The following SNTG1 variants were observed in gnomAD, a reference collection of about 807,000 sequenced individuals.
SNTG1 encodes syntrophin gamma 1.
In SNTG1, 39 loss-of-function variants were observed where a neutral mutation model predicts 74.7. The observed-to-expected ratio is 0.52, with a 90% confidence interval of 0.40 to 0.68. SNTG1 has a LOEUF of 0.68. Ranked by LOEUF, SNTG1 falls within the 30% of genes least tolerant of loss-of-function variation. The pLI is 0.00. For synonymous variants in SNTG1, 254 were observed against 217.1 expected (o/e 1.17, Z -1.49); for missense variants, 685 against 609.5 (o/e 1.12, Z -1.30).
chr8:50,069,583 ATTTTTTTTTTTTTTTTTTTT>A (rs71235778), intron 1 of SNTG1, among the ~76,000 whole-genome samples: 6 of 67,076 alleles, frequency 8.9e-5, no homozygotes, highest in South Asian at 7.9e-4. Flanking sequence ...ATTGGGAGGA[ATTTTTTTTTTTTTTTTTTTT>A]TTTTTTTTTT....
intron 8 of SNTG1, among the ~76,000 whole-genome samples, chr8:50,460,537 A>T (rs1471914804): frequency 1.3e-5 from 2 of 151,954 alleles, no homozygotes; most frequent in African/African-American, 4.8e-5. Context: ...GTTTTTGAGG[A>T]CTTAGTTATA....
chr8:50,014,836 C>T lies in SNTG1; in HGVS notation c.-103+102605C>T, dbSNP rs147252714. Among the ~76,000 whole-genome samples the T allele has an allele frequency of 9.3e-3, 1,414 of 151,802 alleles. 27 individuals carry two copies. The highest frequency in any genetic ancestry group is 0.03 in the African/African-American group (1,241 of 41,392). On this transcript the variant is annotated intron_variant, in intron 1 of 18. Coordinates refer to ENST00000642720, the MANE Select transcript of SNTG1 (RefSeq NM_018967.5). ...CAGTGGCCACACACAGCAGGAAATACGTAATCTATAGAATTATTCCAGTAA... is the reference window on the plus strand; with the variant it reads ...CAGTGGCCACACACAGCAGGAAATATGTAATCTATAGAATTATTCCAGTAA...
rs146491007 is a variant in SNTG1 at position 50,254,037 on chromosome 8, G to A, written c.-28+81402G>A. On this transcript the variant is annotated intron_variant, in intron 2 of 18. Coordinates refer to ENST00000642720, the MANE Select transcript of SNTG1 (RefSeq NM_018967.5). The stretch of plus-strand genomic sequence containing the variant: ...GTATTATATATTGGAAAACAGAAAC[G>A]AGAGGATTTTGAATATTCTCACCTC... Among the ~76,000 whole-genome samples the A allele has an allele frequency of 1.6e-3, 239 of 152,204 alleles. 1 individual carries two copies. The highest frequency in any genetic ancestry group is 5.5e-3 in the African/African-American group (227 of 41,520).
intron 12 of SNTG1, among the ~76,000 whole-genome samples, chr8:50,573,566 C>CGTAA (rs2094560660): frequency 1.3e-5 from 2 of 151,584 alleles, no homozygotes; most frequent in African/African-American, 4.8e-5. Flanking sequence ...GAATGTTGTC[C>CGTAA]GTAATATCTA....
intron 1 of SNTG1, among the ~76,000 whole-genome samples, chr8:49,981,392 A>G (rs1812666453): frequency 6.6e-6 from 1 of 151,536 alleles, no homozygotes; most frequent in Non-Finnish European, 1.5e-5. Flanking sequence ...TTGCTAGACC[A>G]TGGAAGTCAC....
chr8:50,456,518 A>G (rs1177793438), intron 8 of SNTG1, among the ~76,000 whole-genome samples: 2 of 152,146 alleles, frequency 1.3e-5, no homozygotes, highest in African/African-American at 2.4e-5. Context: ...GGAAGGGATG[A>G]AAGCTGGGTG....
chr8:50,540,973 A>G (rs1448435272), intron 11 of SNTG1, among the ~76,000 whole-genome samples: 2 of 152,050 alleles, frequency 1.3e-5, no homozygotes, highest in Non-Finnish European at 2.9e-5. Flanking sequence ...AATCCAAAGT[A>G]ACAAACTTGG....
intron 1 of SNTG1, among the ~76,000 whole-genome samples, chr8:49,981,386 TA>T (rs1322201522): frequency 6.6e-6 from 1 of 152,064 alleles, no homozygotes; most frequent in Admixed American, 6.5e-5. Flanking sequence ...CCATGGTTGC[TA>T]GACCATGGAA....
At chr8:50,092,920 G>A (rs535277752) in intron 1 of SNTG1, among the ~76,000 whole-genome samples, 1 of 152,194 alleles carries the variant, frequency 6.6e-6, no homozygotes, top group Non-Finnish European at 1.5e-5. Context: ...TACAGTAAAA[G>A]TATTATAATT....
intron 1 of SNTG1, among the ~76,000 whole-genome samples, chr8:50,031,469 C>T (rs1432759729): frequency 2.0e-5 from 3 of 151,914 alleles, no homozygotes; most frequent in Non-Finnish European, 2.9e-5. Context: ...TGTATGTTTT[C>T]GTAGATTCTC....
intron 17 of SNTG1, among the ~76,000 whole-genome samples, chr8:50,742,138 T>TA (rs531369198): frequency 5.9e-4 from 89 of 151,924 alleles, no homozygotes; most frequent in African/African-American, 2.0e-3. Context: ...TTATTAATTT[T>TA]AAAAAAATCA....
Position 50,600,215 on chromosome 8 carries a change from G to A in SNTG1, c.849+9298G>A, listed in dbSNP as rs540629108. Among the ~76,000 whole-genome samples, 4 of 151,806 alleles carry A rather than the reference G, an allele frequency of 2.6e-5. No homozygotes were observed. In the East Asian group the frequency reaches 7.8e-4, roughly 29 times the overall value. On this transcript the variant is annotated intron_variant, in intron 13 of 18. Coordinates refer to ENST00000642720, the MANE Select transcript of SNTG1 (RefSeq NM_018967.5). The stretch of plus-strand genomic sequence containing the variant: ...ATTTGCGTTGACAGTATTTTGTTGA[G>A]GATTTTTGCATCAGTTTTCATCAGA...
At chr8:50,411,715 C>T (rs1389337157) in intron 4 of SNTG1, among the ~76,000 whole-genome samples, 2 of 151,934 alleles carry the variant, frequency 1.3e-5, no homozygotes, top group African/African-American at 2.4e-5. Context: ...TCTTTTTTGC[C>T]AGTCAGTAGT....
intron 13 of SNTG1, among the ~76,000 whole-genome samples, chr8:50,607,109 A>G (rs2094818322): frequency 6.6e-6 from 1 of 151,888 alleles, no homozygotes; most frequent in Admixed American, 6.6e-5. Context: ...GCCCTTCAAG[A>G]TCGTTTCTAA....
intron 13 of SNTG1, among the ~76,000 whole-genome samples, chr8:50,594,499 A>G (rs2094713934): frequency 6.6e-6 from 1 of 152,098 alleles, no homozygotes. Context: ...CTTATTTAAA[A>G]TAACATATTA....
chr8:50,085,367 T>C (rs1486451970), intron 1 of SNTG1, among the ~76,000 whole-genome samples: 1 of 152,220 alleles, frequency 6.6e-6, no homozygotes, highest in Non-Finnish European at 1.5e-5. Context: ...TTCTATACTA[T>C]ATAGTTAGTA....
chr8:50,677,781 A>C (rs940941515), intron 15 of SNTG1, among the ~76,000 whole-genome samples: 1 of 151,990 alleles, frequency 6.6e-6, no homozygotes, highest in African/African-American at 2.4e-5. Flanking sequence ...AGTGGCCTTC[A>C]AATTGATTTA....
At chr8:50,252,650 G>T (rs919771235) in intron 2 of SNTG1, among the ~76,000 whole-genome samples, 1 of 152,100 alleles carries the variant, frequency 6.6e-6, no homozygotes, top group Non-Finnish European at 1.5e-5. Flanking sequence ...CACATGGCAA[G>T]GCTGAGAACA....
chr8:50,792,410 C>T (rs1258478790), intron 18 of SNTG1, among the ~76,000 whole-genome samples: 1 of 151,706 alleles, frequency 6.6e-6, no homozygotes, highest in East Asian at 1.9e-4. Context: ...ATATATTTAT[C>T]AATCAGTGCT....
Sources: gnomAD v4.1 joint callset for allele counts (sites outside exome capture counted in the v4.1 genomes callset) on GRCh38, gnomAD v4.1.1 for gene constraint, MANE v1.5 for transcripts, NCBI Gene and HGNC (gene_info 2026-07-23, HGNC 2026-07-21) for gene names.